Variants in SYT3 observed in about 807,000 individuals in gnomAD.
SYT3 encodes the protein synaptotagmin-3.
In SYT3, 25 loss-of-function variants were observed where a neutral mutation model predicts 50.6. That is an observed-to-expected ratio of 0.49 (90% CI 0.36 to 0.69). The LOEUF is 0.69. Ranked by LOEUF, SYT3 falls within the 30% of genes least tolerant of loss-of-function variation. The pLI is 0.00. For missense variants in SYT3, 589 were observed against 793.6 expected, an observed-to-expected ratio of 0.74 and a Z score of 3.10; for synonymous variants, 323 against 353.9, an observed-to-expected ratio of 0.91 and a Z score of 0.98.
At chr19:50,636,798 G>A (rs1361214738) in intron 3 of SYT3, among the ~76,000 whole-genome samples, 1 of 152,222 alleles carries the variant, frequency 6.6e-6, no homozygotes, top group South Asian at 2.1e-4. Flanking sequence ...TCCCAGCATT[G>A]TTCTAAGTTC....
chr19:50,625,501 A>G lies in SYT3; in HGVS notation c.1466T>C (p.Ile489Thr), dbSNP rs773038739. The G allele has an allele frequency of 1.9e-6, 3 of 1,610,426 alleles. No homozygotes were observed. Among genetic ancestry groups the G allele is most frequent in the Admixed American group, 3.4e-5 (2 of 59,114 alleles). ...GRRLKKRKTS[I>T]KKNTLNPTYN... ...GGTGGGGTTCAGCGTGTTCTTCTTG[A>G]TGGAGGTTTTCCGCTTCTTCAGACG... The change falls in exon 8 of 11, where the codon ATC (isoleucine) becomes ACC (threonine). Residue 489 changes from isoleucine (I) to threonine (T), a missense_variant. Transcript: ENST00000600079. This position sits in a 1 kb window ranked among gnomAD's most constrained non-coding sequence, Gnocchi z 7.5.
At chr19:50,628,840 T>C (rs33998354) in intron 6 of SYT3, among the ~76,000 whole-genome samples, 10,503 of 151,148 alleles carry the variant, frequency 0.069, 607 homozygotes, top group Admixed American at 0.18. Context: ...TTTTTTTTTT[T>C]TGAGACGGAG....
At chr19:50,657,739 T>C in the SYT3 span, among the ~76,000 whole-genome samples, 17 of 152,338 alleles carry the variant, frequency 1.1e-4, 1 homozygote, top group South Asian at 3.3e-3. Flanking sequence ...TTGGGGCAAA[T>C]TGGCTTGGTG....
chr19:50,641,180 T>A (rs2123028836), upstream of SYT3, among the ~76,000 whole-genome samples: 1 of 135,638 alleles, frequency 7.4e-6, no homozygotes, highest in East Asian at 2.2e-4. Flanking sequence ...TTTTTTTTTT[T>A]TTTTTTTTTT....
chr19:50,629,316 C>T lies in SYT3; in HGVS notation c.1259G>A (p.Arg420Lys). The change falls in exon 6 of 11, where the codon AGG (arginine) becomes AAG (lysine). Residue 420 changes from arginine to lysine, a missense_variant. By Grantham distance (26) the Arg-to-Lys change is conservative. Transcript: ENST00000600079. ...GACCGAGCCGCCCTCCACGATGTCC[C>T]TCCAGAGCGGGCGGTCAGGGGGCTG... is the stretch of plus-strand genomic sequence containing the variant. ...AEQPPDRPLW[R>K]DIVEGGSEKA... is the part of the protein sequence containing the mutation. 1 of 1,610,804 alleles carries T rather than the reference C, an allele frequency of 6.2e-7. No individual in the cohort carries two copies. Among genetic ancestry groups the T allele is most frequent in the Non-Finnish European group, 8.5e-7 (1 of 1,178,136 alleles).
upstream of SYT3, among the ~76,000 whole-genome samples, chr19:50,641,547 C>G (rs1984682854): frequency 6.6e-6 from 1 of 151,804 alleles, no homozygotes; most frequent in Non-Finnish European, 1.5e-5. Context: ...AAGCAAGACC[C>G]CCATCTCAAG....
chr19:50,630,052 T>G lies in SYT3; in HGVS notation c.794A>C (p.Lys265Thr). ...CTCTGGCTTAATCTGCCCAATGAGT[T>G]TGGCTTTTTCCTCGCCTCCAGGCAG... ...LPLPGGEEKA[K>T]LIGQIKPELY... Residue 265 changes from lysine (K) to threonine (T), a missense_variant, in exon 5 of 11, where the codon AAA (lysine) becomes ACA (threonine). Around this residue, in one of 2 missense-constraint regions of SYT3, gnomAD observed 316 missense variants for 354.3 expected, o/e 0.89. Coordinates refer to ENST00000600079, the MANE Select transcript of SYT3 (RefSeq NM_001160329.2). 6.2e-7 allele frequency: 1 copy of G among 1,613,988 alleles called. No individual in the cohort carries two copies. Among genetic ancestry groups the G allele is most frequent in the Non-Finnish European group, 8.5e-7 (1 of 1,179,952 alleles).
In SYT3 at chr19:50,632,636, G is replaced by C. The variant is rs767081313; in HGVS notation, c.324C>G (p.Gly108=). Residue 108 remains glycine (G), a synonymous_variant, in exon 4 of 11, where the codon GGC becomes GGG. Transcript: ENST00000600079. The surrounding 1 kb of genome is among the most constrained non-coding windows in gnomAD (Gnocchi z 4.7). ...KDLGPGVGLA[G]LVGGGGHHLA... is the part of the protein sequence containing the mutation. Reference sequence around the variant, plus strand: ...GGTGGTGCCCGCCTCCGCCTACCAGGCCTGCCAGCCCGACACCAGGGCCTA... The same window carrying C: ...GGTGGTGCCCGCCTCCGCCTACCAGCCCTGCCAGCCCGACACCAGGGCCTA... The C allele has an allele frequency of 1.8e-5, 29 of 1,582,030 alleles. No homozygotes were observed. Among genetic ancestry groups the C allele is most frequent in the Non-Finnish European group, 2.4e-5 (28 of 1,164,022 alleles).
At chr19:50,646,905 A>C in the SYT3 span, among the ~76,000 whole-genome samples, 1 of 152,002 alleles carries the variant, frequency 6.6e-6, no homozygotes, top group African/African-American at 2.4e-5. Flanking sequence ...ATCTCGGCTC[A>C]CTGCAAGCTC....
the SYT3 span, among the ~76,000 whole-genome samples, chr19:50,651,345 G>A: frequency 6.6e-6 from 1 of 152,074 alleles, no homozygotes; most frequent in Non-Finnish European, 1.5e-5. Flanking sequence ...CTCTTTATTT[G>A]GTAAATACCT....
At chr19:50,629,262 G>A (rs1350379442) in intron 6 of SYT3, 32 bp downstream of exon 6, 1 of 1,548,362 alleles carries the variant, frequency 6.5e-7, no homozygotes, top group African/African-American at 1.4e-5. Context: ...AGGGCCCTGG[G>A]AAGGGGAAGG....
At chr19:50,626,432 G>C (rs1412356985) in intron 6 of SYT3, among the ~76,000 whole-genome samples, 1 of 151,670 alleles carries the variant, frequency 6.6e-6, no homozygotes, top group Non-Finnish European at 1.5e-5. Context: ...CCCAGAGAGA[G>C]GGAGACAGAG....
At chr19:50,626,100 T>C in intron 6 of SYT3, 83 bp from the exon 7 acceptor site, 1 of 1,517,670 alleles carries the variant, frequency 6.6e-7, no homozygotes. Flanking sequence ...CGGAGCCTCC[T>C]GCTTTACACC....
upstream of SYT3, among the ~76,000 whole-genome samples, chr19:50,643,451 A>G (rs1379048981): frequency 6.6e-6 from 1 of 151,600 alleles, no homozygotes; most frequent in Non-Finnish European, 1.5e-5. Context: ...TCAGAGTGAG[A>G]CCTTGTCTCA....
At chr19:50,630,300 T>G in intron 4 of SYT3, 129 bp from the exon 5 acceptor site, 2 of 939,632 alleles carry the variant, frequency 2.1e-6, no homozygotes, top group Non-Finnish European at 3.0e-6. Flanking sequence ...GTCCCCTCCT[T>G]TGCTCACTGT....
upstream of SYT3, among the ~76,000 whole-genome samples, chr19:50,641,465 G>A (rs193172698): frequency 1.4e-3 from 205 of 147,386 alleles, 1 homozygote; most frequent in Admixed American, 2.3e-3. Context: ...CACCGCGCCC[G>A]GCCTAGCCCA....
intron 2 of SYT3, among the ~76,000 whole-genome samples, 169 bp downstream of exon 2, chr19:50,638,856 A>T (rs1984577911): frequency 6.6e-6 from 1 of 152,016 alleles, no homozygotes; most frequent in Non-Finnish European, 1.5e-5. Flanking sequence ...GGAGAGGTGG[A>T]TGTGGGGAGA....
At chr19:50,624,554 C>CT (rs35518299) in intron 9 of SYT3, among the ~76,000 whole-genome samples, 99,222 of 137,834 alleles carry the variant, frequency 0.72, 36,656 homozygotes, top group Non-Finnish European at 0.77. Context: ...TCTTAAATGA[C>CT]TTTTTTTTTT....
intron 2 of SYT3, among the ~76,000 whole-genome samples, 164 bp downstream of exon 2, chr19:50,638,861 G>A (rs1984578513): frequency 1.3e-5 from 2 of 152,108 alleles, no homozygotes. Flanking sequence ...GGTGGATGTG[G>A]GGAGAGGGGG....
Sources: gnomAD v4.1 joint callset for allele counts (sites outside exome capture counted in the v4.1 genomes callset) on GRCh38, gnomAD v4.1.1 for gene constraint, gnomAD v4.1.1 regional missense constraint, Gnocchi (gnomAD v3.1) non-coding constraint, MANE v1.5 for transcripts, NCBI Gene and HGNC (gene_info 2026-07-23, HGNC 2026-07-21) for gene names.